MYL12B: variants seen among roughly 807,000 people sequenced by gnomAD.
MYL12B encodes the protein myosin light chain 12B.
MYL12B carries 3 observed loss-of-function variants against 12.9 expected under a neutral mutation model. The ratio of observed to expected loss-of-function variants is 0.23; its 90% CI spans 0.11 to 0.60. The LOEUF is 0.60. Ranked by LOEUF, MYL12B falls within the 20% of genes least tolerant of loss-of-function variation. The pLI is 0.89. For synonymous variants in MYL12B, 57 were observed against 71.9 expected, an observed-to-expected ratio of 0.79 and a Z score of 1.05; for missense variants, 120 against 215.4, an observed-to-expected ratio of 0.56 and a Z score of 2.77.
At chr18:3,277,478 A>G in intron 3 of MYL12B, 64 bp downstream of exon 3, 1 of 1,547,948 alleles carries the variant, frequency 6.5e-7, no homozygotes, top group Non-Finnish European at 8.7e-7. Context: ...TGTGAAATAG[A>G]AGGGGTTTTC....
chr18:3,265,164 T>G (rs2081626256), intron 1 of MYL12B, among the ~76,000 whole-genome samples: 1 of 152,176 alleles, frequency 6.6e-6, no homozygotes. Context: ...CTAAAAAAAA[T>G]ACTTCTAATA....
At chr18:3,276,890 G>A in intron 2 of MYL12B, 4 of 932,832 alleles carry the variant, frequency 4.3e-6, no homozygotes, top group Non-Finnish European at 5.0e-6. Flanking sequence ...CAAAAAATTA[G>A]CAGGGCATGG....
Position 3,267,399 on chromosome 18 carries a change from A to T in MYL12B, c.-16+5162A>T, listed in dbSNP as rs529539813. Among the ~76,000 whole-genome samples the T allele has an allele frequency of 8.7e-4, 132 of 152,346 alleles. 3 individuals are homozygous for T. The South Asian group carries it at 0.027, about 31-fold the overall frequency. ...AAGCAATATATGCTGAAGTATATAG[A>T]CAATTTCTGCTTATTAATGATGATG... On this transcript the variant is annotated intron_variant, in intron 1 of 3. Coordinates refer to ENST00000237500, the MANE Select transcript of MYL12B (RefSeq NM_033546.4).
At chr18:3,270,475 G>A (rs1042836827) in intron 1 of MYL12B, among the ~76,000 whole-genome samples, 3 of 152,056 alleles carry the variant, frequency 2.0e-5, no homozygotes, top group African/African-American at 4.8e-5. Flanking sequence ...GATGGTGATG[G>A]CTCTTCTAGT....
At chr18:3,276,202 A>C (rs1450717649) in intron 2 of MYL12B, among the ~76,000 whole-genome samples, 1 of 151,164 alleles carries the variant, frequency 6.6e-6, no homozygotes, top group African/African-American at 2.4e-5. Flanking sequence ...TAAATTCTAC[A>C]TAAGGCAGCA....
chr18:3,274,031 T>C (rs2081707009), intron 2 of MYL12B, among the ~76,000 whole-genome samples: 1 of 152,248 alleles, frequency 6.6e-6, no homozygotes, highest in South Asian at 2.1e-4. Flanking sequence ...AACATTATAG[T>C]GAACACCTAT....
intron 1 of MYL12B, among the ~76,000 whole-genome samples, chr18:3,263,344 G>T (rs1479087936): frequency 6.6e-6 from 1 of 152,182 alleles, no homozygotes; most frequent in Non-Finnish European, 1.5e-5. Context: ...AATTCAGTAG[G>T]ACCTGATAGA....
chr18:3,271,307 G>C (rs937400549), intron 1 of MYL12B, among the ~76,000 whole-genome samples: 1 of 152,196 alleles, frequency 6.6e-6, no homozygotes, highest in Non-Finnish European at 1.5e-5. Flanking sequence ...TGTATATGGG[G>C]AGGGTAAGGA....
intron 3 of MYL12B, 130 bp downstream of exon 3, chr18:3,277,544 G>A (rs2081743536): frequency 7.1e-7 from 1 of 1,409,472 alleles, no homozygotes; most frequent in Non-Finnish European, 9.5e-7. Flanking sequence ...CATATGATCT[G>A]TTTCTGAGCT....
At chr18:3,268,488 A>G (rs2081651769) in intron 1 of MYL12B, among the ~76,000 whole-genome samples, 1 of 152,242 alleles carries the variant, frequency 6.6e-6, no homozygotes, top group South Asian at 2.1e-4. Context: ...GATAGTTGCC[A>G]CCTGACTAAA....
At chr18:3,274,992 G>A (rs2081716851) in intron 2 of MYL12B, among the ~76,000 whole-genome samples, 1 of 152,284 alleles carries the variant, frequency 6.6e-6, no homozygotes, top group Non-Finnish European at 1.5e-5. Context: ...GAAATCAGTA[G>A]TATCATTGAA....
chr18:3,263,612 A>G (rs1409212245), intron 1 of MYL12B, among the ~76,000 whole-genome samples: 1 of 152,250 alleles, frequency 6.6e-6, no homozygotes, highest in Non-Finnish European at 1.5e-5. Flanking sequence ...GGGTTAGGAA[A>G]GAACAGGATT....
At chr18:3,264,055 C>T (rs1437730301) in intron 1 of MYL12B, among the ~76,000 whole-genome samples, 2 of 152,188 alleles carry the variant, frequency 1.3e-5, no homozygotes, top group African/African-American at 2.4e-5. Context: ...ACATCTTTAG[C>T]ACCCAGTTGT....
In MYL12B at chr18:3,271,405, C is replaced by G. The variant is rs548949313; in HGVS notation, c.-15-1479C>G. Among the ~76,000 whole-genome samples the G allele has an allele frequency of 2.0e-5, 3 of 152,298 alleles. No individual in the cohort carries two copies. In the South Asian group the frequency reaches 6.2e-4, roughly 32 times the overall value. On this transcript the variant is annotated intron_variant, in intron 1 of 3. Transcript: ENST00000237500. The stretch of plus-strand genomic sequence containing the variant: ...GCTTCAAAACACCCTGTGGGATGTT[C>G]TTTAGCTTGAATAAATAGAAGTAGA...
At chr18:3,264,876 A>G (rs933557117) in intron 1 of MYL12B, among the ~76,000 whole-genome samples, 4 of 152,222 alleles carry the variant, frequency 2.6e-5, no homozygotes, top group Admixed American at 2.6e-4. Flanking sequence ...TAACATTTGT[A>G]ACTTAATGGG....
At chr18:3,262,913 A>G (rs1196288117) in intron 1 of MYL12B, 2 of 152,272 alleles carry the variant, frequency 1.3e-5, no homozygotes, top group Non-Finnish European at 2.9e-5. Context: ...AAGGACCATT[A>G]ACAGAAATAG....
intron 2 of MYL12B, among the ~76,000 whole-genome samples, chr18:3,274,442 A>G (rs759771988): frequency 3.0e-5 from 3 of 100,092 alleles, no homozygotes; most frequent in East Asian, 2.6e-4. Flanking sequence ...TAATTGAGCA[A>G]TGAACAATTT....
chr18:3,277,534 C>T, intron 3 of MYL12B, 120 bp downstream of exon 3: 7 of 1,447,408 alleles, frequency 4.8e-6, no homozygotes, highest in Non-Finnish European at 6.5e-6. Context: ...ATTTTGTAAG[C>T]ATATGATCTG....
At chr18:3,274,324 A>G (rs924014001) in intron 2 of MYL12B, among the ~76,000 whole-genome samples, 3 of 152,258 alleles carry the variant, frequency 2.0e-5, no homozygotes, top group Admixed American at 6.5e-5. Flanking sequence ...CGAACAAGTC[A>G]TGGTAGAGTC....
Sources: allele counts gnomAD v4.1 joint callset (sites outside exome capture counted in the v4.1 genomes callset), GRCh38; gene constraint gnomAD v4.1.1; transcripts MANE v1.5; gene names NCBI Gene and HGNC (gene_info 2026-07-23, HGNC 2026-07-21).